The following RIC1 variants were observed in gnomAD, a reference collection of about 807,000 sequenced individuals.
RIC1 encodes the protein RIC1 partner of RAB6A GEF complex.
In RIC1, 88 loss-of-function variants were observed where a neutral mutation model predicts 169.0. That is an observed-to-expected ratio of 0.52 (90% CI 0.44 to 0.62). RIC1 has a LOEUF of 0.62. Ranked by LOEUF, RIC1 falls within the 20% of genes least tolerant of loss-of-function variation. RIC1 has a pLI of 0.00. For synonymous variants in RIC1, 790 were observed against 601.5 expected (o/e 1.31, Z -4.59); for missense variants, 1,877 against 1,725.5 (o/e 1.09, Z -1.56).
rs982948139 is a variant in RIC1, at chr9:5,776,384, A to G, written c.*2138A>G. On this transcript the variant is annotated 3_prime_UTR_variant, in exon 26 of 26. Transcript: ENST00000414202. ...TAGCCAATGAATTTAAATATTCAGT[A>G]TAACTATTTGAGGTTTACTAGATGC... The G allele has an allele frequency of 3.9e-5, 6 of 152,164 alleles. No homozygotes were observed. In the South Asian group the frequency reaches 1.0e-3, roughly 26 times the overall value. The allele number at this position is 152,164 out of a possible 1,614,324, so 9.4% of individuals were successfully genotyped here. A position where few individuals can be genotyped will look rare whatever the true frequency, so the allele number is the denominator to read the frequency against.
rs568063308 is a variant in RIC1 at position 5,693,822 on chromosome 9, A to ATTT, written c.332+3789_332+3791dup. On this transcript the variant is annotated intron_variant, in intron 3 of 25. Coordinates refer to ENST00000414202, the MANE Select transcript of RIC1 (RefSeq NM_020829.4). Reference sequence around the variant, plus strand: ...CATGTATACTTTGTTGAGAGCAGAGATTTTTTTCCCCCTTCTTCCTGTCTT... The same window carrying ATTT: ...CATGTATACTTTGTTGAGAGCAGAGATTTTTTTTTTCCCCCTTCTTCCTGTCTT... Among the ~76,000 whole-genome samples, 4 of 151,550 alleles carry ATTT rather than the reference A, an allele frequency of 2.6e-5. No individual in the cohort carries two copies. The South Asian group carries it at 8.3e-4, about 31-fold the overall frequency.
intron 1 of RIC1, among the ~76,000 whole-genome samples, chr9:5,638,820 T>C (rs185240542): frequency 6.6e-6 from 1 of 152,334 alleles, no homozygotes; most frequent in African/African-American, 2.4e-5. Flanking sequence ...TTAATTTATT[T>C]CTGCTCCATC....
rs185574874 is a variant in RIC1 at position 5,740,246 on chromosome 9, C to T, written c.901+1708C>T. On this transcript the variant is annotated intron_variant, in intron 8 of 25. Transcript: ENST00000414202. ...TGCCAAATGCATTTATTTTGCATAACTCTATATAAACAGTTCACGTCAAGG... is the reference window on the plus strand; with the variant it reads ...TGCCAAATGCATTTATTTTGCATAATTCTATATAAACAGTTCACGTCAAGG... Among the ~76,000 whole-genome samples, 454 of 152,252 alleles carry T rather than the reference C, an allele frequency of 3.0e-3. 14 individuals carry two copies. Among genetic ancestry groups the T allele is most frequent in the Non-Finnish European group, 7.9e-4 (54 of 68,024 alleles).
chr9:5,695,414 AGT>A (rs1451395314), intron 3 of RIC1, among the ~76,000 whole-genome samples: 2 of 152,010 alleles, frequency 1.3e-5, no homozygotes, highest in Non-Finnish European at 2.9e-5. Context: ...CGTGTATTTG[AGT>A]TTATTCACTC....
intron 2 of RIC1, among the ~76,000 whole-genome samples, chr9:5,664,385 C>G (rs1353342977): frequency 6.6e-6 from 1 of 151,976 alleles, no homozygotes; most frequent in African/African-American, 2.4e-5. Flanking sequence ...TGCACTCCAG[C>G]CTGGCAACGG....
chr9:5,676,828 C>G (rs1314975034), intron 2 of RIC1, among the ~76,000 whole-genome samples: 1 of 152,138 alleles, frequency 6.6e-6, no homozygotes, highest in East Asian at 1.9e-4. Flanking sequence ...TCTAGTTTCT[C>G]TCAGCATATT....
chr9:5,662,847 C>T (rs762143533), intron 2 of RIC1, among the ~76,000 whole-genome samples: 2 of 152,112 alleles, frequency 1.3e-5, no homozygotes, highest in Non-Finnish European at 2.9e-5. Flanking sequence ...CAGTTCTGCT[C>T]TGATCTTGGT....
chr9:5,758,324 A>G (rs1826127453), intron 17 of RIC1, among the ~76,000 whole-genome samples: 1 of 152,182 alleles, frequency 6.6e-6, no homozygotes, highest in African/African-American at 2.4e-5. Flanking sequence ...TGTCAGAGGA[A>G]AATTCTATGT....
At chr9:5,731,282 G>C (rs966945264) in intron 6 of RIC1, among the ~76,000 whole-genome samples, 2 of 152,018 alleles carry the variant, frequency 1.3e-5, no homozygotes, top group African/African-American at 4.8e-5. Flanking sequence ...CTGAATTTCA[G>C]TCTAAGCAGC....
At chr9:5,674,862 G>A (rs956344872) in intron 2 of RIC1, among the ~76,000 whole-genome samples, 7 of 152,016 alleles carry the variant, frequency 4.6e-5, no homozygotes, top group African/African-American at 7.2e-5. Flanking sequence ...TTTTTGTTCC[G>A]GGCATATGCT....
Position 5,772,776 on chromosome 9 carries a change from C to T in RIC1, c.3794+35C>T. On this transcript the variant is annotated intron_variant, in intron 24 of 25. Transcript: ENST00000414202. The stretch of plus-strand genomic sequence containing the variant: ...TTGGCTATTTGAAATCACAGAATGC[C>T]TACTCAGAGTATTTGGGCAAATAGG... 1.9e-6 allele frequency: 3 copies of T among 1,584,578 alleles called. No homozygotes were observed. In the South Asian group the frequency reaches 3.5e-5, roughly 18 times the overall value.
chr9:5,682,483 G>A (rs1020454889), intron 2 of RIC1, among the ~76,000 whole-genome samples: 1 of 152,032 alleles, frequency 6.6e-6, no homozygotes, highest in African/African-American at 2.4e-5. Flanking sequence ...GTTGAATATT[G>A]GCCCTCACTC....
At chr9:5,777,716 C>T (rs557127913), downstream of RIC1, among the ~76,000 whole-genome samples, 3 of 152,222 alleles carry the variant, frequency 2.0e-5, no homozygotes, top group Admixed American at 1.3e-4. Flanking sequence ...TCTAACGTGG[C>T]TATTCAATTG....
At chr9:5,648,835 C>G (rs138235451) in intron 1 of RIC1, among the ~76,000 whole-genome samples, 1 of 152,094 alleles carries the variant, frequency 6.6e-6, no homozygotes, top group Non-Finnish European at 1.5e-5. Context: ...GTCTTTTGCC[C>G]ACTTTTTAAT....
At chr9:5,743,068 C>G (rs1825173847) in intron 9 of RIC1, 55 bp downstream of exon 9, 1 of 1,521,148 alleles carries the variant, frequency 6.6e-7, no homozygotes, top group Non-Finnish European at 8.9e-7. Flanking sequence ...TCTCACAATG[C>G]ATGCATACAA....
chr9:5,674,374 C>G (rs1586922003), intron 2 of RIC1, among the ~76,000 whole-genome samples: 1 of 152,032 alleles, frequency 6.6e-6, no homozygotes, highest in East Asian at 1.9e-4. Context: ...AATTAAATTA[C>G]TAGAAGCAGG....
At chr9:5,669,219 G>A (rs2130551396) in intron 2 of RIC1, among the ~76,000 whole-genome samples, 1 of 152,170 alleles carries the variant, frequency 6.6e-6, no homozygotes, top group South Asian at 2.1e-4. Flanking sequence ...GGAGATTTTG[G>A]TGCACCCATC....
intron 6 of RIC1, among the ~76,000 whole-genome samples, chr9:5,721,572 C>G (rs964238714): frequency 6.6e-6 from 1 of 152,198 alleles, no homozygotes; most frequent in Non-Finnish European, 1.5e-5. Flanking sequence ...AAACGGCAAA[C>G]GGGCAGTTAT....
intron 3 of RIC1, among the ~76,000 whole-genome samples, chr9:5,693,700 T>A (rs1821719875): frequency 6.6e-6 from 1 of 152,146 alleles, no homozygotes; most frequent in African/African-American, 2.4e-5. Context: ...AATGTGTTCA[T>A]ATGCTTATGT....
Sources: gnomAD v4.1 joint callset for allele counts (sites outside exome capture counted in the v4.1 genomes callset) on GRCh38, gnomAD v4.1.1 for gene constraint, MANE v1.5 for transcripts, NCBI Gene and HGNC (gene_info 2026-07-23, HGNC 2026-07-21) for gene names.